HEATR4: variants seen among roughly 807,000 people sequenced by gnomAD.
The protein encoded by HEATR4 is HEAT repeat-containing protein 4.
In HEATR4, 95 loss-of-function variants were observed where a neutral mutation model predicts 108.8. The observed-to-expected ratio is 0.87, with a 90% CI of 0.74 to 1.04. The LOEUF (loss-of-function observed/expected upper bound fraction) is 1.04, where lower values mean the gene tolerates loss of function less well. Among genes scored for constraint, HEATR4 ranks in the 50% least tolerant of loss-of-function variants. The pLI, the probability that HEATR4 is intolerant of heterozygous loss-of-function variation, is 0.00. For synonymous variants in HEATR4, 443 were observed against 459.4 expected (o/e 0.96, Z 0.46); for missense variants, 1,152 against 1,253.8 (o/e 0.92, Z 1.23).
At chr14:73,520,687 C>G (rs763706610) in intron 4 of HEATR4, 165 bp downstream of exon 4, 1 of 629,490 alleles carries the variant, frequency 1.6e-6, no homozygotes. Flanking sequence ...TATCACTCCC[C>G]GACCCAACTC....
At chr14:73,629,056 CAA>C in the HEATR4 span, among the ~76,000 whole-genome samples, 1 of 136,804 alleles carries the variant, frequency 7.3e-6, no homozygotes, top group Admixed American at 7.3e-5. Flanking sequence ...AGTATGTTCC[CAA>C]AAAAAAAAAA....
At chr14:73,608,635 C>T in the HEATR4 span, among the ~76,000 whole-genome samples, 9 of 152,166 alleles carry the variant, frequency 5.9e-5, no homozygotes, top group Admixed American at 3.3e-4. Flanking sequence ...GCCCTCTAAA[C>T]GGTGCCAACT....
Position 73,500,745 on chromosome 14 carries a change from T to A in HEATR4, c.2106-15A>T, listed in dbSNP as rs1886406953. 6.2e-7 allele frequency: 1 copy of A among 1,608,902 alleles called. No individual in the cohort carries two copies. The highest frequency in any genetic ancestry group is 1.3e-5 in the African/African-American group (1 of 74,950). On this transcript the variant is annotated splice_polypyrimidine_tract_variant and intron_variant, in intron 11 of 17. Coordinates refer to ENST00000553558, the MANE Select transcript of HEATR4 (RefSeq NM_001220484.1). ...CTAGCTTGACCCTGTAAGGCACAAG[T>A]TGCTTTCCTTTCACCTCCTTAAACT...
At chr14:73,567,767 A>G in the HEATR4 span, 3 of 152,062 alleles carry the variant, frequency 2.0e-5, no homozygotes, top group African/African-American at 4.8e-5. Flanking sequence ...TGAAGCCAAG[A>G]CCATGAACCC....
the HEATR4 span, among the ~76,000 whole-genome samples, chr14:73,604,605 C>A: frequency 0.015 from 2,246 of 152,180 alleles, 56 homozygotes; most frequent in African/African-American, 0.051. Flanking sequence ...GCTGCCTCAA[C>A]CTCCCAAGTA....
chr14:73,611,618 T>C, the HEATR4 span: 4 of 152,200 alleles, frequency 2.6e-5, no homozygotes, highest in African/African-American at 9.7e-5. Flanking sequence ...AAACAAAACT[T>C]TCACTGGGTA....
chr14:73,569,511 G>A, the HEATR4 span: 2 of 1,609,670 alleles, frequency 1.2e-6, no homozygotes, highest in Non-Finnish European at 1.7e-6. Context: ...CCTAGCCCCG[G>A]AGCAGCCGGT....
the HEATR4 span, chr14:73,573,578 C>T: frequency 5.6e-6 from 9 of 1,613,618 alleles, no homozygotes; most frequent in African/African-American, 5.3e-5. Flanking sequence ...ACTACTTGCT[C>T]AGTCATCCCG....
At chr14:73,559,200 C>A (rs1298649328), upstream of HEATR4, among the ~76,000 whole-genome samples, 2 of 151,826 alleles carry the variant, frequency 1.3e-5, no homozygotes, top group African/African-American at 4.8e-5. Context: ...GTGGTGCGAT[C>A]TCGGCTCACT....
chr14:73,621,421 TC>T, the HEATR4 span, among the ~76,000 whole-genome samples: 1 of 152,078 alleles, frequency 6.6e-6, no homozygotes, highest in Non-Finnish European at 1.5e-5. Flanking sequence ...AAATCGGACT[TC>T]CTCCCACAAC....
At chr14:73,584,827 A>C in the HEATR4 span, among the ~76,000 whole-genome samples, 2 of 149,162 alleles carry the variant, frequency 1.3e-5, no homozygotes, top group African/African-American at 4.9e-5. Flanking sequence ...GTGCCGACAC[A>C]AATCAACCTC....
Position 73,524,778 on chromosome 14 carries a change from G to C in HEATR4, c.-72-1554C>G, listed in dbSNP as rs1001711773. Among the ~76,000 whole-genome samples, 4 of 151,606 alleles carry C rather than the reference G, an allele frequency of 2.6e-5. No homozygotes were observed. The South Asian group carries it at 8.3e-4, about 32-fold the overall frequency. ...CCTTGCCTCTCCAAGGAACAGGTAG[G>C]CCTCCTTATGTGTAAGGATGAAGGA... is the stretch of plus-strand genomic sequence containing the variant. On this transcript the variant is annotated intron_variant, in intron 2 of 17. Transcript: ENST00000553558.
At position 73,514,221 on chromosome 14, in the gene HEATR4, C is replaced by T; in HGVS notation, c.1224G>A (p.Val408=). Residue 408 remains valine (V), a synonymous_variant, in exon 6 of 18, where the codon GTG becomes GTA. Transcript: ENST00000553558. ...AAGCAGTCCAGCGCAGGGCTCCTTG[C>T]ACAGGTCTGTAAGCTGTGCAACGTG... ...QAIPEASYRP[V]QGALRWTALP... is the part of the protein sequence containing the mutation. 1.9e-6 allele frequency: 3 copies of T among 1,614,108 alleles called. No homozygotes were observed. Among genetic ancestry groups the T allele is most frequent in the Non-Finnish European group, 2.5e-6 (3 of 1,180,000 alleles).
chr14:73,610,628 TCC>T, the HEATR4 span, among the ~76,000 whole-genome samples: 2 of 152,092 alleles, frequency 1.3e-5, no homozygotes, highest in African/African-American at 4.8e-5. Flanking sequence ...AACCTCTGCC[TCC>T]AGATCCTGGG....
chr14:73,510,879 TC>T (rs1267855786), intron 7 of HEATR4, among the ~76,000 whole-genome samples: 2 of 152,166 alleles, frequency 1.3e-5, no homozygotes, highest in Non-Finnish European at 2.9e-5. Flanking sequence ...AATTCTAGGG[TC>T]CACAAAGGGC....
intron 17 of HEATR4, chr14:73,491,795 C>T: frequency 6.3e-7 from 1 of 1,591,848 alleles, no homozygotes; most frequent in Non-Finnish European, 8.5e-7. Flanking sequence ...GCAGTTCGGC[C>T]AGCATTTGGA....
At chr14:73,569,576 G>C in the HEATR4 span, 5 of 1,599,582 alleles carry the variant, frequency 3.1e-6, no homozygotes, top group Non-Finnish European at 4.3e-6. Flanking sequence ...AGGCCCACGC[G>C]CGCTACCGCG....
the HEATR4 span, chr14:73,619,915 T>TTC: frequency 1.5e-4 from 218 of 1,430,260 alleles, no homozygotes; most frequent in Non-Finnish European, 1.8e-4. Context: ...TTTCTTTCTT[T>TTC]TCTCTTTTTT....
chr14:73,618,439 G>A, the HEATR4 span, among the ~76,000 whole-genome samples: 180 of 151,190 alleles, frequency 1.2e-3, 10 homozygotes, highest in African/African-American at 3.9e-3. Context: ...CCACACATAT[G>A]TGTGAGAGGC....
Sources: gnomAD v4.1 joint callset for allele counts (sites outside exome capture counted in the v4.1 genomes callset) on GRCh38, gnomAD v4.1.1 for gene constraint, MANE v1.5 for transcripts, NCBI Gene and HGNC (gene_info 2026-07-23, HGNC 2026-07-21) for gene names.